The following PTTG1IP2 variants were observed in gnomAD, a reference collection of about 807,000 sequenced individuals.
The protein encoded by PTTG1IP2 is PTTG1IP family member 2.
chr7:90,498,035 T>C (rs1047970257), intron 6 of PTTG1IP2, among the ~76,000 whole-genome samples: 1 of 151,942 alleles, frequency 6.6e-6, no homozygotes, highest in African/African-American at 2.4e-5. Flanking sequence ...ACCCCCCCTT[T>C]TTTTTTTTGA....
At chr7:90,470,963 C>CAAAAAAAAAAA (rs5885726) in intron 1 of PTTG1IP2, among the ~76,000 whole-genome samples, 96 of 107,794 alleles carry the variant, frequency 8.9e-4, no homozygotes, top group Non-Finnish European at 1.2e-3. Flanking sequence ...TGATGAAGAA[C>CAAAAAAAAAAA]AAAAAAAAAA....
intron 2 of PTTG1IP2, among the ~76,000 whole-genome samples, chr7:90,486,689 G>A (rs1208488887): frequency 6.6e-6 from 1 of 152,026 alleles, no homozygotes; most frequent in South Asian, 2.1e-4. Context: ...GGAAAGAGTC[G>A]GGGATGCAGG....
rs562342712 is a variant in PTTG1IP2 at position 90,473,369 on chromosome 7, G to A, written c.145+3438G>A. Among the ~76,000 whole-genome samples, 134 of 152,274 alleles carry A rather than the reference G, an allele frequency of 8.8e-4. 1 individual carries two copies. In the South Asian group the frequency reaches 0.016, roughly 18 times the overall value. On this transcript the variant is annotated intron_variant, in intron 1 of 6. Coordinates refer to ENST00000509356, the MANE Select transcript of PTTG1IP2 (RefSeq NM_001365443.2). ...CACTCCCTAAGAAGGGGACAGGTGA[G>A]ATTCACACAGTGAGGCTAGCAAGGA... is the stretch of plus-strand genomic sequence containing the variant.
chr7:90,475,939 CAAAAAA>C (rs71104471), intron 1 of PTTG1IP2, among the ~76,000 whole-genome samples: 1 of 127,016 alleles, frequency 7.9e-6, no homozygotes, highest in Admixed American at 7.9e-5. Flanking sequence ...GACTCTGTCT[CAAAAAA>C]AAAAAAAAGA....
intron 4 of PTTG1IP2, among the ~76,000 whole-genome samples, chr7:90,490,103 A>T (rs535171783): frequency 6.6e-6 from 1 of 152,016 alleles, no homozygotes; most frequent in African/African-American, 2.4e-5. Context: ...TTACTGCTCT[A>T]CTGAATTAGG....
At chr7:90,473,542 TTGAC>T (rs1288105637) in intron 1 of PTTG1IP2, among the ~76,000 whole-genome samples, 1 of 152,184 alleles carries the variant, frequency 6.6e-6, no homozygotes, top group African/African-American at 2.4e-5. Flanking sequence ...GATGAATTAA[TTGAC>T]TGAACTTAGA....
At chr7:90,486,538 C>G (rs1196502641) in intron 2 of PTTG1IP2, among the ~76,000 whole-genome samples, 2 of 143,666 alleles carry the variant, frequency 1.4e-5, no homozygotes, top group Non-Finnish European at 3.0e-5. Flanking sequence ...CACCTTTATG[C>G]CTTGCTTAAG....
At chr7:90,478,905 G>C (rs936035472) in intron 1 of PTTG1IP2, among the ~76,000 whole-genome samples, 2 of 151,544 alleles carry the variant, frequency 1.3e-5, no homozygotes, top group African/African-American at 4.9e-5. Context: ...CTGAATAACA[G>C]CACATGATAT....
rs1261744146 is a variant in PTTG1IP2, at chr7:90,497,715, T to TA, written c.*50+3314dup. Among the ~76,000 whole-genome samples the TA allele has an allele frequency of 1.1e-3, 64 of 56,332 alleles. 1 individual carries two copies. The highest frequency in any genetic ancestry group is 1.6e-3 in the Non-Finnish European group (51 of 31,150). The allele number at this position is 56,332 out of a possible 152,430, so 37.0% of individuals were successfully genotyped here. The stretch of plus-strand genomic sequence containing the variant: ...CTGAGCGACAGAGAAAGACCCTGTA[T>TA]AAAAAAAAAAAAAAAAAAAAAAAAA... On this transcript the variant is annotated intron_variant, in intron 6 of 6. Coordinates refer to ENST00000509356, the MANE Select transcript of PTTG1IP2 (RefSeq NM_001365443.2).
intron 1 of PTTG1IP2, among the ~76,000 whole-genome samples, chr7:90,473,842 T>A (rs1484292739): frequency 6.6e-6 from 1 of 152,228 alleles, no homozygotes; most frequent in Non-Finnish European, 1.5e-5. Context: ...ACTAGGCCCA[T>A]GCTTTCTGTG....
intron 4 of PTTG1IP2, among the ~76,000 whole-genome samples, chr7:90,491,712 T>G (rs1797940550): frequency 6.6e-6 from 1 of 152,236 alleles, no homozygotes; most frequent in South Asian, 2.1e-4. Flanking sequence ...AAGCAATTGT[T>G]AATTCTATTG....
intron 2 of PTTG1IP2, among the ~76,000 whole-genome samples, chr7:90,482,434 G>A (rs1182335846): frequency 6.6e-6 from 1 of 151,900 alleles, no homozygotes; most frequent in Non-Finnish European, 1.5e-5. Context: ...TGATTTCATA[G>A]TGTAGGACTA....
At chr7:90,499,221 G>T (rs1302462902) in intron 6 of PTTG1IP2, among the ~76,000 whole-genome samples, 1 of 152,174 alleles carries the variant, frequency 6.6e-6, no homozygotes, top group Non-Finnish European at 1.5e-5. Context: ...CCAATGCTAG[G>T]AATTTCACAA....
intron 4 of PTTG1IP2, among the ~76,000 whole-genome samples, chr7:90,490,814 A>G (rs1266950189): frequency 6.6e-6 from 1 of 152,154 alleles, no homozygotes; most frequent in Non-Finnish European, 1.5e-5. Context: ...GCAAATATCC[A>G]TCATTGAAGC....
At chr7:90,494,190 G>C (rs1367364713) in intron 5 of PTTG1IP2, 177 bp from the exon 6 acceptor site, 1 of 152,140 alleles carries the variant, frequency 6.6e-6, no homozygotes, top group East Asian at 1.9e-4. Context: ...ATTACATGTT[G>C]ATAGTACCTT....
chr7:90,511,167 C>T (rs1314134500), intron 6 of PTTG1IP2, among the ~76,000 whole-genome samples: 1 of 151,834 alleles, frequency 6.6e-6, no homozygotes, highest in Non-Finnish European at 1.5e-5. Flanking sequence ...TTCTTCTTGT[C>T]CACTGATGTT....
At chr7:90,475,124 T>C (rs1429183203) in intron 1 of PTTG1IP2, among the ~76,000 whole-genome samples, 1 of 152,174 alleles carries the variant, frequency 6.6e-6, no homozygotes, top group Non-Finnish European at 1.5e-5. Context: ...ATTGTGCTTA[T>C]GAATGCAGCC....
At chr7:90,506,756 G>C (rs1449609236) in intron 6 of PTTG1IP2, among the ~76,000 whole-genome samples, 1 of 152,148 alleles carries the variant, frequency 6.6e-6, no homozygotes, top group East Asian at 1.9e-4. Context: ...GACAGAGTAA[G>C]ACCCTGTCTC....
chr7:90,478,589 G>A (rs1266354118), intron 1 of PTTG1IP2, among the ~76,000 whole-genome samples: 1 of 152,120 alleles, frequency 6.6e-6, no homozygotes, highest in Non-Finnish European at 1.5e-5. Context: ...AATAGAGAGA[G>A]CAACTTTATT....
Sources: gnomAD v4.1 joint callset for allele counts (sites outside exome capture counted in the v4.1 genomes callset) on GRCh38, gnomAD v4.1.1 for gene constraint, MANE v1.5 for transcripts, NCBI Gene and HGNC (gene_info 2026-07-23, HGNC 2026-07-21) for gene names.